POU6F1: variants seen among roughly 807,000 people sequenced by gnomAD.
POU6F1 encodes POU class 6 homeobox 1.
Under a neutral mutation model 28.9 loss-of-function variants are expected in POU6F1, and 9 were observed. The ratio of observed to expected loss-of-function variants is 0.31; its 90% CI spans 0.19 to 0.54. The LOEUF (loss-of-function observed/expected upper bound fraction) is 0.54. POU6F1 is among the 20% of genes least tolerant of loss of function. POU6F1 has a pLI of 0.94. For synonymous variants in POU6F1, 173 were observed against 171.1 expected (o/e 1.01, Z -0.09); for missense variants, 338 against 426.1 (o/e 0.79, Z 1.82).
rs1406553649 is a variant in POU6F1 at position 51,217,424 on chromosome 12, C to T, written c.-48+218G>A. 6.6e-6 allele frequency among the ~76,000 whole-genome samples: 1 copy of T among 152,046 alleles called. No individual in the cohort carries two copies. Among genetic ancestry groups the T allele is most frequent in the Non-Finnish European group, 1.5e-5 (1 of 67,986 alleles). On this transcript the variant is annotated intron_variant, in intron 1 of 10. Coordinates refer to ENST00000333640, the MANE Select transcript of POU6F1 (RefSeq NM_001330422.2). The surrounding 1 kb of genome is among the most constrained non-coding windows in gnomAD (Gnocchi z 5.3). ...AGGGCGCGGCCCCCGGGTGTCTAGC[C>T]CCAGCTGGGCAACCGCGCGCTGTCC...
chr12:51,188,498 GTGTGCGCGCGTC>G lies in POU6F1; in HGVS notation c.*1737_*1748del, dbSNP rs1264977231. 7 of 152,408 alleles carry G rather than the reference GTGTGCGCGCGTC, an allele frequency of 4.6e-5. 1 individual carries two copies. In the East Asian group the frequency reaches 7.7e-4, roughly 17 times the overall value. 9.4% of individuals were successfully genotyped at this position (152,408 alleles called of 1,614,324 possible). On this transcript the variant is annotated 3_prime_UTR_variant, in exon 11 of 11. Coordinates refer to ENST00000333640, the MANE Select transcript of POU6F1 (RefSeq NM_001330422.2). ...TGCAGCAGAGCGTGTATGTGTGTGT[GTGTGCGCGCGTC>G]TGTGCGCGCTGCACGTGCGTGTGCT...
intron 5 of POU6F1, 105 bp downstream of exon 5, chr12:51,198,445 G>T: frequency 5.0e-6 from 2 of 398,514 alleles, no homozygotes; most frequent in Admixed American, 4.4e-5. Context: ...CAGGGCGGTT[G>T]CCCTGGGTGG....
chr12:51,200,164 T>C (rs970010079), intron 3 of POU6F1, among the ~76,000 whole-genome samples: 1 of 152,176 alleles, frequency 6.6e-6, no homozygotes, highest in Non-Finnish European at 1.5e-5. Flanking sequence ...TAGCCCTCAT[T>C]TCCTGGCCCT....
In POU6F1 at chr12:51,189,077, C is replaced by T. The variant is rs1942229190; in HGVS notation, c.*1170G>A. 1 of 152,176 alleles carries T rather than the reference C, an allele frequency of 6.6e-6. No individual in the cohort carries two copies. The highest frequency in any genetic ancestry group is 1.5e-5 in the Non-Finnish European group (1 of 68,044). 9.4% of individuals were successfully genotyped at this position (152,176 alleles called of 1,614,324 possible). The stretch of plus-strand genomic sequence containing the variant: ...GAGGACACTGTGGGGATTGCTTACA[C>T]ACAGACATGGTCTGAGACTCGACAA... On this transcript the variant is annotated 3_prime_UTR_variant, in exon 11 of 11. Coordinates refer to ENST00000333640, the MANE Select transcript of POU6F1 (RefSeq NM_001330422.2).
intron 1 of POU6F1, among the ~76,000 whole-genome samples, chr12:51,210,428 G>A (rs941451402): frequency 3.9e-5 from 6 of 152,278 alleles, no homozygotes; most frequent in African/African-American, 1.2e-4. Context: ...AGGTCATTAG[G>A]CGTAAGGCAG....
chr12:51,212,075 T>G (rs1015133844), intron 1 of POU6F1, among the ~76,000 whole-genome samples: 1 of 125,314 alleles, frequency 8.0e-6, no homozygotes, highest in Non-Finnish European at 1.7e-5. Flanking sequence ...TTTTTTTTTG[T>G]TTTTTTTGTT....
intron 1 of POU6F1, 192 bp from the exon 2 acceptor site, chr12:51,207,075 G>C (rs1235326893): frequency 6.4e-6 from 2 of 311,462 alleles, no homozygotes; most frequent in African/African-American, 2.2e-5. Context: ...CCAGGCTGGA[G>C]TGCAGTGGCA....
Position 51,206,030 on chromosome 12 carries a change from G to A in POU6F1, c.48+759C>T, listed in dbSNP as rs548495740. Among the ~76,000 whole-genome samples the A allele has an allele frequency of 2.0e-5, 3 of 149,578 alleles. No individual in the cohort carries two copies. The East Asian group carries it at 6.1e-4, about 30-fold the overall frequency. On this transcript the variant is annotated intron_variant, in intron 2 of 10. Transcript: ENST00000333640. Reference sequence around the variant, plus strand: ...GACAGGGTTTCACCATGTTGGCCAGGCTGGTCTCGAACTCCTGACCTCAGG... The same window carrying A: ...GACAGGGTTTCACCATGTTGGCCAGACTGGTCTCGAACTCCTGACCTCAGG...
chr12:51,192,548 G>T lies in POU6F1; in HGVS notation c.1180-77C>A. On this transcript the variant is annotated intron_variant, in intron 8 of 10. Coordinates refer to ENST00000333640, the MANE Select transcript of POU6F1 (RefSeq NM_001330422.2). ...GTTAAAATCCCTGGGTGGACCAGAG[G>T]CAGGGCAAAAACAGACATGAAATCC... The T allele has an allele frequency of 7.1e-6, 11 of 1,550,302 alleles. No individual in the cohort carries two copies. In the South Asian group the frequency reaches 9.6e-5, roughly 14 times the overall value.
At chr12:51,203,447 G>T (rs1300947256) in intron 3 of POU6F1, among the ~76,000 whole-genome samples, 1 of 152,124 alleles carries the variant, frequency 6.6e-6, no homozygotes, top group African/African-American at 2.4e-5. Context: ...CATAGAAGCA[G>T]AGCATTTCCA....
At chr12:51,214,136 T>G (rs1944167020) in intron 1 of POU6F1, among the ~76,000 whole-genome samples, 2 of 150,002 alleles carry the variant, frequency 1.3e-5, no homozygotes, top group South Asian at 4.2e-4. Flanking sequence ...AGTGAGACTC[T>G]ATGTCAAAAA....
rs1307343520 is a variant in POU6F1 at position 51,187,450 on chromosome 12, T to G, written c.*2797A>C. On this transcript the variant is annotated 3_prime_UTR_variant, in exon 11 of 11. Transcript: ENST00000333640. ...AGCCTGATGCTAACAAAAAATAAAA[T>G]AAACCTACCTCCTAGGTGAGAGGTT... 2.6e-5 allele frequency: 4 copies of G among 152,086 alleles called. No individual in the cohort carries two copies. The East Asian group carries it at 5.8e-4, about 22-fold the overall frequency. 9.4% of individuals were successfully genotyped at this position (152,086 alleles called of 1,614,324 possible). A position where few individuals can be genotyped will look rare whatever the true frequency, so the allele number is the denominator to read the frequency against.
At chr12:51,192,531 C>G in intron 8 of POU6F1, 60 bp from the exon 9 acceptor site, 1 of 1,582,442 alleles carries the variant, frequency 6.3e-7, no homozygotes, top group Admixed American at 1.8e-5. Flanking sequence ...GAGTTAAAAT[C>G]CCTGGGTGGA....
chr12:51,212,776 CAAAAAAAAAAAAAAA>C (rs1176606531), intron 1 of POU6F1, among the ~76,000 whole-genome samples: 1 of 37,700 alleles, frequency 2.7e-5, no homozygotes, highest in Non-Finnish European at 4.2e-5. Flanking sequence ...AACTCCGTCT[CAAAAAAAAAAAAAAA>C]AAAAAAAAAA....
In POU6F1 at chr12:51,217,792, G is replaced by T. The variant is rs1365051671; in HGVS notation, c.-198C>A. 6.6e-5 allele frequency: 10 copies of T among 151,682 alleles called. No individual in the cohort carries two copies. Among genetic ancestry groups the T allele is most frequent in the Admixed American group, 1.3e-4 (2 of 15,242 alleles). The allele number at this position is 151,682 out of a possible 1,614,324, so 9.4% of individuals were successfully genotyped here. On this transcript the variant is annotated 5_prime_UTR_variant, in exon 1 of 11. Coordinates refer to ENST00000333640, the MANE Select transcript of POU6F1 (RefSeq NM_001330422.2). The surrounding 1 kb of genome is among the most constrained non-coding windows in gnomAD (Gnocchi z 5.3). Reference sequence around the variant, plus strand: ...AAAGAAGCCAGTGCGGCTTGGCTGGGCTCGGCTCGGCCCGGGAGCTGGTCG... The same window carrying T: ...AAAGAAGCCAGTGCGGCTTGGCTGGTCTCGGCTCGGCCCGGGAGCTGGTCG...
At chr12:51,207,087 G>A (rs1381705784) in intron 1 of POU6F1, 16 of 294,336 alleles carry the variant, frequency 5.4e-5, no homozygotes, top group African/African-American at 3.5e-4. Flanking sequence ...GCAGTGGCAC[G>A]ATCTGTGCTC....
intron 1 of POU6F1, among the ~76,000 whole-genome samples, chr12:51,214,886 G>A (rs1944203785): frequency 3.3e-5 from 5 of 152,062 alleles, no homozygotes; most frequent in Admixed American, 2.6e-4. Context: ...TTGAGCCCAA[G>A]AAGGTGAAGC....
At chr12:51,198,910 A>G (rs1177021812) in intron 4 of POU6F1, 135 bp from the exon 5 acceptor site, 6 of 396,126 alleles carry the variant, frequency 1.5e-5, no homozygotes, top group Non-Finnish European at 2.7e-5. Context: ...AGGCCACATG[A>G]GGATGGGGAA....
At chr12:51,201,164 G>T (rs1943180189) in intron 3 of POU6F1, among the ~76,000 whole-genome samples, 1 of 152,160 alleles carries the variant, frequency 6.6e-6, no homozygotes, top group Non-Finnish European at 1.5e-5. Flanking sequence ...TAACCGCAAA[G>T]GTTCTGTCCA....
Sources: allele counts gnomAD v4.1 joint callset (sites outside exome capture counted in the v4.1 genomes callset), GRCh38; gene constraint gnomAD v4.1.1; non-coding constraint Gnocchi (gnomAD v3.1); transcripts MANE v1.5; gene names NCBI Gene and HGNC (gene_info 2026-07-23, HGNC 2026-07-21).